Variants in NCK2 observed in about 807,000 individuals in gnomAD.
The protein encoded by NCK2 is cytoplasmic protein NCK2.
Under a neutral mutation model 33.9 loss-of-function variants are expected in NCK2, and 16 were observed. That is an observed-to-expected ratio of 0.47 (90% CI 0.32 to 0.72). The LOEUF is 0.72. NCK2 is among the 30% of genes least tolerant of loss of function. The pLI is 0.03. For missense variants in NCK2, 418 were observed against 537.3 expected (o/e 0.78, Z 2.19); for synonymous variants, 273 against 239.9 (o/e 1.14, Z -1.27).
intron 3 of NCK2, among the ~76,000 whole-genome samples, chr2:105,872,918 A>T (rs1678073962): frequency 6.6e-6 from 1 of 152,146 alleles, no homozygotes; most frequent in South Asian, 2.1e-4. Flanking sequence ...GTACATTCTG[A>T]TGCCCTTCCC....
chr2:105,835,253 C>T (rs1676345558), intron 2 of NCK2, among the ~76,000 whole-genome samples: 1 of 150,784 alleles, frequency 6.6e-6, no homozygotes, highest in South Asian at 2.1e-4. Context: ...CCTCATAGGG[C>T]CAGTCTACTG....
At chr2:105,892,667 G>A (rs942540951) in intron 4 of NCK2, among the ~76,000 whole-genome samples, 1 of 152,060 alleles carries the variant, frequency 6.6e-6, no homozygotes, top group Non-Finnish European at 1.5e-5. Context: ...CCAACATGGC[G>A]AAACCCTGTC....
chr2:105,842,433 T>A (rs1221742469), intron 2 of NCK2, among the ~76,000 whole-genome samples: 1 of 151,862 alleles, frequency 6.6e-6, no homozygotes. Context: ...CTGAGGAAAG[T>A]TTGTAACATT....
At chr2:105,821,281 G>T (rs147314115) in intron 2 of NCK2, among the ~76,000 whole-genome samples, 13 of 152,236 alleles carry the variant, frequency 8.5e-5, no homozygotes, top group Admixed American at 7.8e-4. Flanking sequence ...TTTTTTACAC[G>T]CAAAGCCCAG....
intron 2 of NCK2, among the ~76,000 whole-genome samples, chr2:105,837,443 G>A (rs575287379): frequency 6.6e-6 from 1 of 152,196 alleles, no homozygotes; most frequent in African/African-American, 2.4e-5. Flanking sequence ...GTGGGGAGTG[G>A]TGATTTCTTG....
chr2:105,892,497 A>ACT (rs35318143), intron 4 of NCK2, among the ~76,000 whole-genome samples: 45,078 of 151,766 alleles, frequency 0.3, 7,015 homozygotes, highest in South Asian at 0.4. Flanking sequence ...AGAATCGTGG[A>ACT]CTACCTCCAG....
Position 105,893,534 on chromosome 2 carries a change from C to A in NCK2, c.*358C>A, listed in dbSNP as rs1173623033. The A allele has an allele frequency of 4.0e-6, 1 of 249,010 alleles. No individual in the cohort carries two copies. The highest frequency in any genetic ancestry group is 8.1e-6 in the Non-Finnish European group (1 of 122,794). The allele number at this position is 249,010 out of a possible 1,614,324, so 15.4% of individuals were successfully genotyped here. ...CGAGCCTAAGGCCACCCAGCGGCAG[C>A]GCCCGTGTCCTGGGCACTCAGCGTG... On this transcript the variant is annotated 3_prime_UTR_variant, in exon 5 of 5. Transcript: ENST00000233154.
rs1677372956 is a variant in NCK2 at position 105,858,335 on chromosome 2, T to G, written c.226+3046T>G. 2.6e-5 allele frequency among the ~76,000 whole-genome samples: 4 copies of G among 152,184 alleles called. No homozygotes were observed. The South Asian group carries it at 8.3e-4, about 31-fold the overall frequency. On this transcript the variant is annotated intron_variant, in intron 3 of 4. Coordinates refer to ENST00000233154, the MANE Select transcript of NCK2 (RefSeq NM_003581.5). ...GTGCAGTGGCACAATCCCTGCTTACTGTAGTATTGACCTCAGGTGATCCTC... is the reference window on the plus strand; with the variant it reads ...GTGCAGTGGCACAATCCCTGCTTACGGTAGTATTGACCTCAGGTGATCCTC...
chr2:105,849,691 A>G (rs1676988790), intron 2 of NCK2, among the ~76,000 whole-genome samples: 1 of 152,170 alleles, frequency 6.6e-6, no homozygotes. Flanking sequence ...TCTCTGAAGC[A>G]GTACTGCTTG....
At chr2:105,779,921 T>C (rs12470376) in intron 1 of NCK2, among the ~76,000 whole-genome samples, 122,471 of 151,454 alleles carry the variant, frequency 0.81, 49,680 homozygotes, top group East Asian at 0.88. Flanking sequence ...CACCCTCTCA[T>C]TCAGGATAGC....
intron 1 of NCK2, among the ~76,000 whole-genome samples, chr2:105,752,931 A>G (rs1003000634): frequency 1.3e-5 from 2 of 152,096 alleles, no homozygotes; most frequent in African/African-American, 2.4e-5. Flanking sequence ...CACACATTGT[A>G]ATCACTGTTC....
intron 1 of NCK2, among the ~76,000 whole-genome samples, chr2:105,745,554 C>G (rs546567689): frequency 1.7e-4 from 26 of 152,214 alleles, no homozygotes; most frequent in African/African-American, 6.0e-4. Flanking sequence ...GTGCGGTGGC[C>G]AGGGTCGCCA....
chr2:105,850,555 A>G (rs1382794705), intron 2 of NCK2, among the ~76,000 whole-genome samples: 1 of 152,202 alleles, frequency 6.6e-6, no homozygotes, highest in Non-Finnish European at 1.5e-5. Context: ...GCTATATAAT[A>G]TCAAATTTGT....
chr2:105,838,943 A>C (rs972153193), intron 2 of NCK2, among the ~76,000 whole-genome samples: 1 of 152,242 alleles, frequency 6.6e-6, no homozygotes, highest in Middle Eastern at 3.2e-3. Flanking sequence ...GGTAAGGGCC[A>C]TGGAAAAAGA....
intron 1 of NCK2, among the ~76,000 whole-genome samples, chr2:105,767,325 A>G (rs1047134347): frequency 6.6e-6 from 1 of 152,202 alleles, no homozygotes; most frequent in Admixed American, 6.5e-5. Flanking sequence ...GCCTAACAGG[A>G]AGTTCACCTG....
At chr2:105,825,778 T>C (rs1183499899) in intron 2 of NCK2, among the ~76,000 whole-genome samples, 2 of 152,228 alleles carry the variant, frequency 1.3e-5, no homozygotes, top group African/African-American at 4.8e-5. Context: ...GCAGTAAATA[T>C]ACACTCTGCT....
At chr2:105,864,917 C>G (rs1677688077) in intron 3 of NCK2, among the ~76,000 whole-genome samples, 1 of 151,588 alleles carries the variant, frequency 6.6e-6, no homozygotes. Context: ...TTAACACCAT[C>G]CAAATAATAC....
intron 2 of NCK2, among the ~76,000 whole-genome samples, chr2:105,844,547 C>A (rs1225696795): frequency 1.3e-5 from 2 of 149,724 alleles, no homozygotes; most frequent in East Asian, 3.9e-4. Context: ...TGATGAAACC[C>A]CCATCTCTAC....
intron 4 of NCK2, among the ~76,000 whole-genome samples, chr2:105,892,107 C>T (rs1679010567): frequency 6.6e-6 from 1 of 151,870 alleles, no homozygotes; most frequent in African/African-American, 2.4e-5. Context: ...CTGCTTGAAC[C>T]TGGGAGGCGC....
Sources: gnomAD v4.1 joint callset for allele counts (sites outside exome capture counted in the v4.1 genomes callset) on GRCh38, gnomAD v4.1.1 for gene constraint, MANE v1.5 for transcripts, NCBI Gene and HGNC (gene_info 2026-07-23, HGNC 2026-07-21) for gene names.